The following HSD17B12 variants were observed in gnomAD, a reference collection of about 807,000 sequenced individuals.
The protein encoded by HSD17B12 is hydroxysteroid 17-beta dehydrogenase 12.
Under a neutral mutation model 39.3 loss-of-function variants are expected in HSD17B12, and 32 were observed. The ratio of observed to expected loss-of-function variants is 0.81; its 90% CI spans 0.61 to 1.09. The LOEUF is 1.09. Among genes scored for constraint, HSD17B12 ranks in the 50% least tolerant of loss-of-function variants. HSD17B12 has a pLI of 0.00. For missense variants in HSD17B12, 342 were observed against 382.9 expected, an observed-to-expected ratio of 0.89 and a Z score of 0.89; for synonymous variants, 150 against 146.7, an observed-to-expected ratio of 1.02 and a Z score of -0.16.
At chr11:43,739,070 G>T (rs572473460) in intron 1 of HSD17B12, among the ~76,000 whole-genome samples, 3 of 152,280 alleles carry the variant, frequency 2.0e-5, no homozygotes, top group Admixed American at 6.5e-5. Flanking sequence ...GATAAAACTG[G>T]TGTCAGGTTA....
chr11:43,701,797 G>A (rs998646679), intron 1 of HSD17B12, among the ~76,000 whole-genome samples: 2 of 152,136 alleles, frequency 1.3e-5, no homozygotes, highest in African/African-American at 4.8e-5. Flanking sequence ...GCTTAGGATA[G>A]CTTTGACTTT....
the HSD17B12 span, among the ~76,000 whole-genome samples, chr11:43,668,230 G>A: frequency 6.6e-6 from 1 of 152,222 alleles, no homozygotes; most frequent in Non-Finnish European, 1.5e-5. Context: ...CTAGGAGGAA[G>A]TTAATTTCCT....
chr11:43,742,139 A>ATATTTTTT lies in HSD17B12; in HGVS notation c.161-8771_161-8770insATTTTTTT, dbSNP rs61178234. Among the ~76,000 whole-genome samples the ATATTTTTT allele has an allele frequency of 3.8e-4, 47 of 123,492 alleles. 1 individual carries two copies. The highest frequency in any genetic ancestry group is 4.6e-4 in the African/African-American group (15 of 32,902). The allele number at this position is 123,492 out of a possible 152,430, so 81.0% of individuals were successfully genotyped here. A position where few individuals can be genotyped will look rare whatever the true frequency, so the allele number is the denominator to read the frequency against. ...TATATATATATATATATATATATAT[A>ATATTTTTT]TTTTTTTTTTTAAATTGAGACAGGA... On this transcript the variant is annotated intron_variant, in intron 1 of 10. Transcript: ENST00000278353.
At chr11:43,679,434 A>G (rs970045877), upstream of HSD17B12, among the ~76,000 whole-genome samples, 7 of 152,188 alleles carry the variant, frequency 4.6e-5, no homozygotes, top group African/African-American at 1.7e-4. Flanking sequence ...ACATAATTGT[A>G]TATTTAGAAA....
At chr11:43,753,384 C>CAA (rs1950482131) in intron 2 of HSD17B12, among the ~76,000 whole-genome samples, 2 of 73,392 alleles carry the variant, frequency 2.7e-5, no homozygotes, top group African/African-American at 1.1e-4. Context: ...GCAGCAAAAA[C>CAA]TTTTTTTTTT....
chr11:43,567,386 GA>G, the HSD17B12 span, among the ~76,000 whole-genome samples: 1 of 152,178 alleles, frequency 6.6e-6, no homozygotes, highest in African/African-American at 2.4e-5. Flanking sequence ...TGGGACTCAA[GA>G]TGTCTCTAAA....
At chr11:43,721,470 T>C (rs1950175667) in intron 1 of HSD17B12, among the ~76,000 whole-genome samples, 1 of 151,950 alleles carries the variant, frequency 6.6e-6, no homozygotes, top group Non-Finnish European at 1.5e-5. Flanking sequence ...TACAAAAACA[T>C]TGGCTGGGCA....
chr11:43,802,477 G>A (rs1023957508), intron 4 of HSD17B12, among the ~76,000 whole-genome samples: 1 of 152,020 alleles, frequency 6.6e-6, no homozygotes, highest in African/African-American at 2.4e-5. Context: ...CACTTTCAGT[G>A]CTTAGTAGCT....
intron 1 of HSD17B12, chr11:43,718,870 CCT>C: frequency 2.3e-6 from 2 of 887,932 alleles, no homozygotes; most frequent in Non-Finnish European, 3.8e-6. Context: ...GGAAAAGCAC[CCT>C]CAGGAGAAAC....
chr11:43,839,890 G>A (rs766770415), intron 8 of HSD17B12, 109 bp from the exon 9 acceptor site: 36 of 905,640 alleles, frequency 4.0e-5, no homozygotes, highest in Non-Finnish European at 6.1e-5. Flanking sequence ...AAAAAATGAT[G>A]AGAAATTATA....
At chr11:43,590,505 G>GTTTTTTTTTTTTTTTT in the HSD17B12 span, among the ~76,000 whole-genome samples, 2 of 47,870 alleles carry the variant, frequency 4.2e-5, no homozygotes, top group Admixed American at 2.7e-4. Flanking sequence ...TGGAGTGAGT[G>GTTTTTTTTTTTTTTTT]ATTTTTTTTT....
the HSD17B12 span, among the ~76,000 whole-genome samples, chr11:43,632,788 A>C: frequency 6.6e-6 from 1 of 152,202 alleles, no homozygotes; most frequent in Non-Finnish European, 1.5e-5. Flanking sequence ...TATTTTTGTA[A>C]GTGGACATTT....
At position 43,818,210 on chromosome 11, in the gene HSD17B12, G is replaced by A. The variant is rs548386958; in HGVS notation, c.501+1819G>A. On this transcript the variant is annotated intron_variant, in intron 6 of 10. Transcript: ENST00000278353. ...CTTCCCCATGATTCTTTTCAGTTGAGGAACTTAAATGTTGTGATAAGCATT... is the reference window on the plus strand; with the variant it reads ...CTTCCCCATGATTCTTTTCAGTTGAAGAACTTAAATGTTGTGATAAGCATT... Among the ~76,000 whole-genome samples the A allele has an allele frequency of 2.6e-5, 4 of 152,210 alleles. No individual in the cohort carries two copies. The South Asian group carries it at 8.3e-4, about 32-fold the overall frequency.
At chr11:43,687,384 C>T (rs1949811303) in intron 1 of HSD17B12, among the ~76,000 whole-genome samples, 1 of 152,140 alleles carries the variant, frequency 6.6e-6, no homozygotes. Flanking sequence ...AATGGGATGA[C>T]AAACAGTAAC....
the HSD17B12 span, among the ~76,000 whole-genome samples, chr11:43,632,536 T>A: frequency 6.6e-6 from 1 of 152,060 alleles, no homozygotes. Context: ...GTATTTGCCA[T>A]TTTTTTTCCT....
chr11:43,577,917 G>T, the HSD17B12 span, among the ~76,000 whole-genome samples: 6 of 152,198 alleles, frequency 3.9e-5, no homozygotes, highest in Non-Finnish European at 8.8e-5. Context: ...CAGCTCTCTG[G>T]GGTTGTGGGC....
the HSD17B12 span, among the ~76,000 whole-genome samples, chr11:43,674,408 A>AT: frequency 2.6e-5 from 4 of 152,178 alleles, no homozygotes; most frequent in African/African-American, 7.2e-5. Context: ...GGAAGTCGCC[A>AT]TTTTTTCCCT....
intron 1 of HSD17B12, among the ~76,000 whole-genome samples, chr11:43,706,724 T>TGTGTGTGTGTTGG (rs1204580097): frequency 3.7e-5 from 3 of 80,304 alleles, no homozygotes; most frequent in Admixed American, 1.1e-4. Context: ...GTGTGTGTTG[T>TGTGTGTGTGTTGG]GGGGGGTGGG....
chr11:43,660,656 C>G, the HSD17B12 span, among the ~76,000 whole-genome samples: 2 of 152,188 alleles, frequency 1.3e-5, no homozygotes, highest in Non-Finnish European at 2.9e-5. Flanking sequence ...ACCATATAAC[C>G]TATTAGTTTG....
Sources: allele counts gnomAD v4.1 joint callset (sites outside exome capture counted in the v4.1 genomes callset), GRCh38; gene constraint gnomAD v4.1.1; transcripts MANE v1.5; gene names NCBI Gene and HGNC (gene_info 2026-07-23, HGNC 2026-07-21).